SEC23A: variants seen among roughly 807,000 people sequenced by gnomAD.
SEC23A encodes SEC23 homolog A, COPII component.
SEC23A carries 56 observed loss-of-function variants against 103.7 expected under a neutral mutation model. The ratio of observed to expected loss-of-function variants is 0.54; its 90% confidence interval spans 0.44 to 0.67. The LOEUF (loss-of-function observed/expected upper bound fraction) is 0.67. Among genes scored for constraint, SEC23A ranks in the 30% least tolerant of loss-of-function variants. The pLI is 0.00. For synonymous variants in SEC23A, 281 were observed against 293.0 expected (o/e 0.96, Z 0.42); for missense variants, 784 against 936.4 (o/e 0.84, Z 2.12).
At chr14:39,087,302 T>G (rs1887477859) in intron 5 of SEC23A, among the ~76,000 whole-genome samples, 1 of 152,210 alleles carries the variant, frequency 6.6e-6, no homozygotes, top group Non-Finnish European at 1.5e-5. Flanking sequence ...TTGTGTAACT[T>G]AAATGTCCAT....
At chr14:39,075,015 G>A (rs1886966558) in intron 8 of SEC23A, among the ~76,000 whole-genome samples, 1 of 152,154 alleles carries the variant, frequency 6.6e-6, no homozygotes, top group Admixed American at 6.5e-5. Flanking sequence ...GCTGAGGCAG[G>A]AGAATGGCAT....
At chr14:39,057,069 T>C (rs906362725) in intron 13 of SEC23A, among the ~76,000 whole-genome samples, 6 of 151,944 alleles carry the variant, frequency 3.9e-5, no homozygotes, top group Non-Finnish European at 2.9e-5. Context: ...ATCACAACAC[T>C]TTGGGAGGCT....
chr14:39,040,856 T>C lies in SEC23A; in HGVS notation c.2018A>G (p.Gln673Arg), dbSNP rs1885613908. 3 of 1,614,070 alleles carry C rather than the reference T, an allele frequency of 1.9e-6. No homozygotes were observed. The African/African-American group carries it at 4.0e-5, about 22-fold the overall frequency. Residue 673 changes from glutamine to arginine, a missense_variant, in exon 18 of 20, where the codon CAG becomes CGG. Gln to Arg is a conservative substitution (Grantham distance 43, BLOSUM62 1). This residue lies in a region of SEC23A where 101 missense variants were observed against 162.2 expected (regional missense o/e 0.62). Coordinates refer to ENST00000307712, the MANE Select transcript of SEC23A (RefSeq NM_006364.4). ...TIAQWRKSGY[Q>R]DMPEYENFRH... ...GAAATTTTCATACTCAGGCATATCC[T>C]GGTATCCTGACTTCCGCCACTGTGC...
intron 13 of SEC23A, among the ~76,000 whole-genome samples, chr14:39,060,169 C>T (rs1028833311): frequency 2.6e-5 from 4 of 152,118 alleles, no homozygotes; most frequent in Non-Finnish European, 5.9e-5. Context: ...AGCATCAGTA[C>T]TTCCAAGTTC....
chr14:39,077,683 TA>T (rs1566503184), intron 7 of SEC23A, among the ~76,000 whole-genome samples: 1 of 152,014 alleles, frequency 6.6e-6, no homozygotes, highest in African/African-American at 2.4e-5. Flanking sequence ...GTCAATGAAA[TA>T]AGAGAAAAGT....
chr14:39,068,031 T>G (rs1282767261), intron 9 of SEC23A, among the ~76,000 whole-genome samples: 1 of 152,074 alleles, frequency 6.6e-6, no homozygotes, highest in African/African-American at 2.4e-5. Flanking sequence ...CTGTGTCACA[T>G]GAAATATACA....
chr14:39,100,776 T>A (rs1246332607), intron 1 of SEC23A, among the ~76,000 whole-genome samples: 1 of 152,144 alleles, frequency 6.6e-6, no homozygotes, highest in Non-Finnish European at 1.5e-5. Context: ...TACTAACATG[T>A]TTGCATAAAA....
chr14:39,032,307 A>G lies in SEC23A; in HGVS notation c.*932T>C, dbSNP rs1219141748. On this transcript the variant is annotated 3_prime_UTR_variant, in exon 20 of 20. Transcript: ENST00000307712. ...ATATAATACTGTTTCAATAAGAACCACAACTTAATACATTTCACAAAAAGG... is the reference window on the plus strand; with the variant it reads ...ATATAATACTGTTTCAATAAGAACCGCAACTTAATACATTTCACAAAAAGG... 1.3e-5 allele frequency: 2 copies of G among 152,644 alleles called. No homozygotes were observed. The highest frequency in any genetic ancestry group is 2.9e-5 in the Non-Finnish European group (2 of 68,008). 9.5% of individuals were successfully genotyped at this position (152,644 alleles called of 1,614,324 possible).
intron 1 of SEC23A, among the ~76,000 whole-genome samples, chr14:39,102,416 C>A (rs1888135688): frequency 6.6e-6 from 1 of 152,128 alleles, no homozygotes; most frequent in Non-Finnish European, 1.5e-5. Context: ...ACGAGAATTC[C>A]ACATCCCCAC....
At chr14:39,065,088 T>A (rs896576643) in intron 10 of SEC23A, 95 bp from the exon 11 acceptor site, 27 of 823,996 alleles carry the variant, frequency 3.3e-5, no homozygotes, top group Middle Eastern at 4.4e-4. Flanking sequence ...TCATCTATAT[T>A]TAAAACTCAA....
chr14:39,041,730 G>A (rs188667525), intron 17 of SEC23A, among the ~76,000 whole-genome samples: 41 of 152,014 alleles, frequency 2.7e-4, no homozygotes, highest in Admixed American at 4.6e-4. Flanking sequence ...TTAACTGGGC[G>A]TGGTGGCATG....
chr14:39,091,009 A>T (rs1887644160), intron 5 of SEC23A: 1 of 376,102 alleles, frequency 2.7e-6, no homozygotes, highest in African/African-American at 2.2e-5. Context: ...CCCCACCACC[A>T]CTGCTGCCCC....
chr14:39,074,598 A>G, intron 8 of SEC23A, 68 bp from the exon 9 acceptor site: 2 of 886,460 alleles, frequency 2.3e-6, no homozygotes, highest in Middle Eastern at 2.6e-4. Flanking sequence ...CCATTAACAG[A>G]TCAAAATGAT....
rs1433906409 is a variant in SEC23A, at chr14:39,032,288, TA to T, written c.*950del. On this transcript the variant is annotated 3_prime_UTR_variant, in exon 20 of 20. Transcript: ENST00000307712. ...ATATAATTAAGCAAACATTATATAA[TA>T]CTGTTTCAATAAGAACCACAACTTA... is the stretch of plus-strand genomic sequence containing the variant. 1 of 152,614 alleles carries T rather than the reference TA, an allele frequency of 6.6e-6. No homozygotes were observed. The highest frequency in any genetic ancestry group is 1.5e-5 in the Non-Finnish European group (1 of 68,014). The allele number at this position is 152,614 out of a possible 1,614,324, so 9.5% of individuals were successfully genotyped here.
chr14:39,073,603 CTTTTTTTTTT>C (rs905464578), intron 9 of SEC23A, among the ~76,000 whole-genome samples: 2 of 83,894 alleles, frequency 2.4e-5, no homozygotes, highest in Non-Finnish European at 4.5e-5. Flanking sequence ...TCTGATTCCT[CTTTTTTTTTT>C]TTTTTTTTTT....
chr14:39,074,354 A>G (rs1886938329), intron 9 of SEC23A, 61 bp downstream of exon 9: 19 of 1,037,958 alleles, frequency 1.8e-5, no homozygotes, highest in Non-Finnish European at 2.6e-5. Flanking sequence ...TTATTGGTTT[A>G]TATCAGTAAA....
intron 8 of SEC23A, 53 bp downstream of exon 8, chr14:39,075,882 C>G: frequency 6.8e-7 from 1 of 1,469,558 alleles, no homozygotes; most frequent in East Asian, 2.3e-5. Flanking sequence ...CTTCTGCCAG[C>G]AAATGAATAC....
At chr14:39,039,170 T>C (rs1208064982) in intron 18 of SEC23A, 74 bp from the exon 19 acceptor site, 1 of 1,198,736 alleles carries the variant, frequency 8.3e-7, no homozygotes, top group Non-Finnish European at 1.2e-6. Flanking sequence ...AATTATATCA[T>C]GCAAAATCAA....
chr14:39,074,655 TTAAC>T, intron 8 of SEC23A, 125 bp from the exon 9 acceptor site: 1 of 646,934 alleles, frequency 1.5e-6, no homozygotes, highest in Non-Finnish European at 2.7e-6. Flanking sequence ...GATTAGTTAT[TTAAC>T]TTTCTGTAAT....
Sources: gnomAD v4.1 joint callset for allele counts (sites outside exome capture counted in the v4.1 genomes callset) on GRCh38, gnomAD v4.1.1 for gene constraint, gnomAD v4.1.1 regional missense constraint, MANE v1.5 for transcripts, NCBI Gene and HGNC (gene_info 2026-07-23, HGNC 2026-07-21) for gene names.